Variants in MAGI2 observed in about 807,000 individuals in gnomAD.
The protein encoded by MAGI2 is membrane associated guanylate kinase, WW and PDZ domain containing 2.
MAGI2 carries 35 observed loss-of-function variants against 133.3 expected under a neutral mutation model. The ratio of observed to expected loss-of-function variants is 0.26; its 90% CI spans 0.20 to 0.35. The LOEUF (loss-of-function observed/expected upper bound fraction) is 0.35. MAGI2 is among the 10% of genes least tolerant of loss of function. The pLI is 1.00. For missense variants in MAGI2, 1,636 were observed against 1,863.4 expected (o/e 0.88, Z 2.25); for synonymous variants, 729 against 710.6 (o/e 1.03, Z -0.41).
At chr7:78,432,444 A>T (rs923430110) in intron 6 of MAGI2, among the ~76,000 whole-genome samples, 6 of 152,084 alleles carry the variant, frequency 3.9e-5, no homozygotes, top group Admixed American at 3.9e-4. Context: ...AGTGAAACCC[A>T]GGTTTTGTCA....
intron 1 of MAGI2, among the ~76,000 whole-genome samples, chr7:79,240,275 T>C (rs1020105888): frequency 1.3e-5 from 2 of 148,248 alleles, no homozygotes; most frequent in African/African-American, 2.5e-5. Context: ...ACAGGATCTG[T>C]GAAGGACCAG....
chr7:79,185,447 A>G (rs1232805297), intron 1 of MAGI2, among the ~76,000 whole-genome samples: 8 of 151,528 alleles, frequency 5.3e-5, no homozygotes, highest in Non-Finnish European at 1.2e-4. Context: ...AATTTGTTCC[A>G]TCTATACTGC....
chr7:79,078,380 G>C (rs1225794825), intron 1 of MAGI2, among the ~76,000 whole-genome samples: 1 of 152,012 alleles, frequency 6.6e-6, no homozygotes, highest in Non-Finnish European at 1.5e-5. Flanking sequence ...ATAAATCCCA[G>C]CTAGCTTTCA....
intron 2 of MAGI2, among the ~76,000 whole-genome samples, chr7:78,718,200 C>T (rs1446919529): frequency 6.6e-6 from 1 of 152,182 alleles, no homozygotes. Flanking sequence ...AACGCTGTTT[C>T]AGATCAACTA....
chr7:78,298,817 T>G (rs1797561838), intron 9 of MAGI2, among the ~76,000 whole-genome samples: 2 of 141,314 alleles, frequency 1.4e-5, no homozygotes, highest in Non-Finnish European at 3.1e-5. Flanking sequence ...AACGTTTTTT[T>G]TTTTTTTTTT....
chr7:78,892,212 G>A (rs967338275), intron 2 of MAGI2, among the ~76,000 whole-genome samples: 6 of 152,084 alleles, frequency 3.9e-5, no homozygotes, highest in Non-Finnish European at 5.9e-5. Flanking sequence ...ACAAACCACT[G>A]CTCAACGAAA....
At chr7:79,156,183 C>T (rs560015693) in intron 1 of MAGI2, among the ~76,000 whole-genome samples, 6 of 152,150 alleles carry the variant, frequency 3.9e-5, no homozygotes, top group African/African-American at 1.2e-4. Context: ...TGTATCGTGA[C>T]TTGCTTTCCA....
At chr7:79,024,687 G>T (rs1306856075) in intron 1 of MAGI2, among the ~76,000 whole-genome samples, 1 of 152,030 alleles carries the variant, frequency 6.6e-6, no homozygotes, top group African/African-American at 2.4e-5. Context: ...CCACTAATGA[G>T]GGGGCAAAGG....
intron 10 of MAGI2, among the ~76,000 whole-genome samples, chr7:78,226,188 T>C (rs1464288398): frequency 1.3e-5 from 2 of 152,198 alleles, no homozygotes; most frequent in African/African-American, 2.4e-5. Context: ...GACAGGTTTC[T>C]GGACCACTCC....
In MAGI2 at chr7:78,804,311, C is replaced by G. The variant is rs538058924; in HGVS notation, c.419-177072G>C. Reference sequence around the variant, plus strand: ...CAATATAGAAACACATTAACGGTGTCAAGAATAAGGGGGAAAAGTACAAAT... The same window carrying G: ...CAATATAGAAACACATTAACGGTGTGAAGAATAAGGGGGAAAAGTACAAAT... On this transcript the variant is annotated intron_variant, in intron 2 of 21. Coordinates refer to ENST00000354212, the MANE Select transcript of MAGI2 (RefSeq NM_012301.4). 1.0e-3 allele frequency among the ~76,000 whole-genome samples: 159 copies of G among 151,884 alleles called. 3 individuals carry two copies. The highest frequency in any genetic ancestry group is 1.6e-3 in the Admixed American group (25 of 15,240).
At position 78,328,605 on chromosome 7, in the gene MAGI2, C is replaced by T. The variant is rs145269628; in HGVS notation, c.1408+15173G>A. On this transcript the variant is annotated intron_variant, in intron 9 of 21. Transcript: ENST00000354212. ...GGCTTTATATCCCAATCCTGGATCA[C>T]AATCTTATACAAGTCCATGAAAGAC... Among the ~76,000 whole-genome samples the T allele has an allele frequency of 1.3e-4, 20 of 151,202 alleles. No homozygotes were observed. The East Asian group carries it at 2.7e-3, about 21-fold the overall frequency.
At chr7:78,133,430 T>C (rs1200276554) in intron 17 of MAGI2, among the ~76,000 whole-genome samples, 1 of 152,176 alleles carries the variant, frequency 6.6e-6, no homozygotes, top group Non-Finnish European at 1.5e-5. Context: ...AGTTTTTGCT[T>C]GTAATAAACA....
At chr7:78,787,790 G>A (rs79100281) in intron 2 of MAGI2, among the ~76,000 whole-genome samples, 2,098 of 152,180 alleles carry the variant, frequency 0.014, 34 homozygotes, top group African/African-American at 0.04. Context: ...AAAGAATGGC[G>A]GAGTTTTAAC....
intron 1 of MAGI2, among the ~76,000 whole-genome samples, chr7:79,057,881 AT>A (rs569027272): frequency 6.6e-6 from 1 of 151,904 alleles, no homozygotes; most frequent in East Asian, 1.9e-4. Flanking sequence ...CTTCCATTGC[AT>A]TTTTTGCTAA....
chr7:79,130,942 T>C (rs13227090), intron 1 of MAGI2, among the ~76,000 whole-genome samples: 5 of 152,124 alleles, frequency 3.3e-5, no homozygotes, highest in African/African-American at 9.6e-5. Flanking sequence ...CATTTATTCA[T>C]TCACTCACTC....
chr7:78,975,019 C>G (rs191753246), intron 2 of MAGI2, among the ~76,000 whole-genome samples: 1 of 151,512 alleles, frequency 6.6e-6, no homozygotes, highest in South Asian at 2.1e-4. Flanking sequence ...CAAAGGCCAT[C>G]AAAATATATG....
chr7:78,933,448 A>AGTT (rs1172825016), intron 2 of MAGI2, among the ~76,000 whole-genome samples: 1 of 152,176 alleles, frequency 6.6e-6, no homozygotes, highest in African/African-American at 2.4e-5. Flanking sequence ...CTGAAGACAC[A>AGTT]GTTGTGTATG....
At position 78,181,823 on chromosome 7, in the gene MAGI2, C is replaced by T. The variant is rs114511732; in HGVS notation, c.2312-3721G>A. Among the ~76,000 whole-genome samples the T allele has an allele frequency of 4.0e-3, 616 of 152,312 alleles. 2 individuals are homozygous for T. The highest frequency in any genetic ancestry group is 0.014 in the African/African-American group (601 of 41,564). On this transcript the variant is annotated intron_variant, in intron 13 of 21. Transcript: ENST00000354212. ...TCTCATAATAAAGAAAAGCAGATTT[C>T]AAAAGTTGATTCCTACTTCACATGA...
intron 6 of MAGI2, among the ~76,000 whole-genome samples, chr7:78,386,996 G>C (rs1436105962): frequency 6.6e-6 from 1 of 152,176 alleles, no homozygotes; most frequent in African/African-American, 2.4e-5. Context: ...TTTGGTCTCA[G>C]ATTCTTCTGA....
Sources: gnomAD v4.1 joint callset for allele counts (sites outside exome capture counted in the v4.1 genomes callset) on GRCh38, gnomAD v4.1.1 for gene constraint, MANE v1.5 for transcripts, NCBI Gene and HGNC (gene_info 2026-07-23, HGNC 2026-07-21) for gene names.